GALNT13: variants seen among roughly 807,000 people sequenced by gnomAD.
GALNT13 encodes UDP-GalNAc:polypeptide N-acetylgalactosaminyltransferase 13.
A neutral mutation model predicts 64.2 loss-of-function variants in GALNT13; 28 were observed. The ratio of observed to expected loss-of-function variants is 0.44; its 90% CI spans 0.32 to 0.60. GALNT13 has a LOEUF of 0.60. Among genes scored for constraint, GALNT13 ranks in the 20% least tolerant of loss-of-function variants. The pLI, the probability that GALNT13 is intolerant of heterozygous loss-of-function variation, is 0.05. For synonymous variants in GALNT13, 214 were observed against 224.6 expected (o/e 0.95, Z 0.42); for missense variants, 577 against 669.8 (o/e 0.86, Z 1.53).
the GALNT13 span, among the ~76,000 whole-genome samples, chr2:153,824,596 C>A: frequency 3.0e-4 from 46 of 152,010 alleles, 2 homozygotes. Context: ...ATGTGGGAGG[C>A]AAAATTCTAA....
chr2:153,366,805 G>C, the GALNT13 span, among the ~76,000 whole-genome samples: 4 of 149,912 alleles, frequency 2.7e-5, no homozygotes, highest in African/African-American at 9.8e-5. Flanking sequence ...TGCTGAAAAC[G>C]AAAGAAAGAA....
chr2:154,392,995 T>G (rs1255971122), intron 9 of GALNT13, among the ~76,000 whole-genome samples: 1 of 152,198 alleles, frequency 6.6e-6, no homozygotes, highest in Non-Finnish European at 1.5e-5. Context: ...TATTTGTTTT[T>G]CCTTGAGAAA....
chr2:153,925,551 G>A (rs1558857098), intron 2 of GALNT13, among the ~76,000 whole-genome samples: 1 of 142,934 alleles, frequency 7.0e-6, no homozygotes, highest in Non-Finnish European at 1.5e-5. Flanking sequence ...CTCTTTTTTG[G>A]TTCCATATGA....
At chr2:153,821,463 CA>C in the GALNT13 span, among the ~76,000 whole-genome samples, 621 of 152,154 alleles carry the variant, frequency 4.1e-3, 2 homozygotes, top group Non-Finnish European at 6.9e-3. Flanking sequence ...CAATTACATG[CA>C]AATTAAACTT....
the GALNT13 span, among the ~76,000 whole-genome samples, chr2:153,448,728 C>A: frequency 6.6e-6 from 1 of 152,122 alleles, no homozygotes; most frequent in African/African-American, 2.4e-5. Flanking sequence ...TCTCAGGACA[C>A]TTTTCAGGAC....
chr2:153,922,457 C>A (rs1574121885), intron 2 of GALNT13, among the ~76,000 whole-genome samples: 1 of 152,244 alleles, frequency 6.6e-6, no homozygotes, highest in Non-Finnish European at 1.5e-5. Flanking sequence ...CCCATTTAAG[C>A]TATGAAAATA....
At chr2:153,477,540 AAAC>A in the GALNT13 span, 5 of 152,370 alleles carry the variant, frequency 3.3e-5, no homozygotes, top group African/African-American at 1.2e-4. Flanking sequence ...GCACTAAAAG[AAAC>A]AACTCACCCC....
At chr2:154,133,568 A>G (rs1367712206) in intron 3 of GALNT13, among the ~76,000 whole-genome samples, 1 of 102,750 alleles carries the variant, frequency 9.7e-6, no homozygotes, top group African/African-American at 3.7e-5. Flanking sequence ...ATATATATAT[A>G]TATATATATA....
the GALNT13 span, among the ~76,000 whole-genome samples, chr2:153,378,273 T>TAGAC: frequency 8.4e-6 from 1 of 118,428 alleles, no homozygotes; most frequent in African/African-American, 2.9e-5. Context: ...GATAGATAGA[T>TAGAC]AGATAGATAG....
the GALNT13 span, among the ~76,000 whole-genome samples, chr2:153,780,390 G>T: frequency 6.6e-6 from 1 of 151,706 alleles, no homozygotes; most frequent in African/African-American, 2.4e-5. Context: ...ATCCCTCAAT[G>T]CTGTTCTCCG....
At chr2:153,167,816 G>C in the GALNT13 span, among the ~76,000 whole-genome samples, 3 of 152,132 alleles carry the variant, frequency 2.0e-5, no homozygotes, top group African/African-American at 7.2e-5. Context: ...TACTTTTTTA[G>C]AAGAAAGATT....
chr2:154,386,970 A>T lies in GALNT13; in HGVS notation c.1157-9021A>T, dbSNP rs562880203. Among the ~76,000 whole-genome samples, 4 of 152,268 alleles carry T rather than the reference A, an allele frequency of 2.6e-5. 1 individual carries two copies. Among genetic ancestry groups the T allele is most frequent in the Admixed American group, 2.6e-4 (4 of 15,280 alleles). ...TCTGATAATCCTCTTCCTGTGTGAC[A>T]GCTCTGTGCAGAAGCTATGATTTTG... On this transcript the variant is annotated intron_variant, in intron 9 of 12. Transcript: ENST00000392825.
At chr2:153,577,870 T>G in the GALNT13 span, among the ~76,000 whole-genome samples, 94 of 150,964 alleles carry the variant, frequency 6.2e-4, no homozygotes, top group African/African-American at 2.0e-3. Context: ...ATGAACTTTA[T>G]TCTATATTTT....
At chr2:153,453,101 A>G in the GALNT13 span, among the ~76,000 whole-genome samples, 1 of 152,192 alleles carries the variant, frequency 6.6e-6, no homozygotes, top group Non-Finnish European at 1.5e-5. Flanking sequence ...ACCTCTCACC[A>G]TATTCAAATA....
At chr2:153,910,897 T>C (rs2105315125) in intron 2 of GALNT13, among the ~76,000 whole-genome samples, 1 of 152,352 alleles carries the variant, frequency 6.6e-6, no homozygotes, top group Non-Finnish European at 1.5e-5. Flanking sequence ...ATGTATATTC[T>C]GTTGTTTTTG....
chr2:153,118,817 G>A, the GALNT13 span, among the ~76,000 whole-genome samples: 5 of 152,224 alleles, frequency 3.3e-5, no homozygotes, highest in East Asian at 9.7e-4. Context: ...TTATAGGTGA[G>A]AAGACATTGA....
chr2:153,658,323 T>G, the GALNT13 span, among the ~76,000 whole-genome samples: 39 of 152,262 alleles, frequency 2.6e-4, no homozygotes, highest in African/African-American at 9.1e-4. Context: ...AATGGCCAAC[T>G]ACTGAGCCCT....
At chr2:153,838,598 G>A in the GALNT13 span, among the ~76,000 whole-genome samples, 4 of 151,652 alleles carry the variant, frequency 2.6e-5, no homozygotes, top group African/African-American at 9.7e-5. Flanking sequence ...TTTATTTTGA[G>A]CTCTCAATTC....
At chr2:153,768,960 C>A in the GALNT13 span, among the ~76,000 whole-genome samples, 1 of 152,148 alleles carries the variant, frequency 6.6e-6, no homozygotes, top group Admixed American at 6.5e-5. Flanking sequence ...ATATATTTTT[C>A]TATTTTTTTA....
Sources: gnomAD v4.1 joint callset for allele counts (sites outside exome capture counted in the v4.1 genomes callset) on GRCh38, gnomAD v4.1.1 for gene constraint, MANE v1.5 for transcripts, NCBI Gene and HGNC (gene_info 2026-07-23, HGNC 2026-07-21) for gene names.